The following TRANK1 variants were observed in gnomAD, a reference collection of about 807,000 sequenced individuals.
TRANK1 encodes TPR and ankyrin repeat-containing protein 1.
Under a neutral mutation model 266.0 loss-of-function variants are expected in TRANK1, and 198 were observed. The observed-to-expected ratio is 0.74, with a 90% CI of 0.66 to 0.84. TRANK1 has a LOEUF of 0.84. Among genes scored for constraint, TRANK1 ranks in the 40% least tolerant of loss-of-function variants. The pLI is 0.00. For synonymous variants in TRANK1, 1,396 were observed against 1,384.1 expected (o/e 1.01, Z -0.19); for missense variants, 3,326 against 3,634.6 (o/e 0.92, Z 2.18).
chr3:36,939,340 C>T (rs2080466674), intron 1 of TRANK1, among the ~76,000 whole-genome samples: 1 of 151,912 alleles, frequency 6.6e-6, no homozygotes, highest in Admixed American at 6.6e-5. Flanking sequence ...ACTATGTGCC[C>T]ACCATGTTTT....
chr3:36,881,536 C>T (rs1164108505), intron 8 of TRANK1, among the ~76,000 whole-genome samples: 1 of 152,102 alleles, frequency 6.6e-6, no homozygotes, highest in Admixed American at 6.5e-5. Context: ...TCGCTTGAAC[C>T]CAGGAGGCAG....
intron 8 of TRANK1, among the ~76,000 whole-genome samples, chr3:36,887,973 T>TAC (rs1459593478): frequency 6.6e-6 from 1 of 152,184 alleles, no homozygotes; most frequent in Non-Finnish European, 1.5e-5. Flanking sequence ...AACATAGTGT[T>TAC]ACCATATGAT....
At position 36,939,279 on chromosome 3, in the gene TRANK1, ACACACACACACACACACACG is replaced by A. The variant is rs1367923940; in HGVS notation, c.23+5488_23+5507del. ...CTAACATACACACACACACACACAC[ACACACACACACACACACACG>A]CCTCTACTTACCTTTCTAGTATTCT... is the stretch of plus-strand genomic sequence containing the variant. On this transcript the variant is annotated intron_variant, in intron 1 of 23. Transcript: ENST00000645898. Among the ~76,000 whole-genome samples the A allele has an allele frequency of 4.0e-5, 6 of 151,792 alleles. No homozygotes were observed. The East Asian group carries it at 1.2e-3, about 30-fold the overall frequency.
chr3:36,935,371 C>T (rs1340664665), intron 1 of TRANK1, among the ~76,000 whole-genome samples: 1 of 151,742 alleles, frequency 6.6e-6, no homozygotes, highest in Admixed American at 6.6e-5. Flanking sequence ...ATGTTTGGGG[C>T]ACTGTGCTGG....
intron 1 of TRANK1, among the ~76,000 whole-genome samples, chr3:36,915,465 G>T (rs1440147991): frequency 6.6e-6 from 1 of 152,118 alleles, no homozygotes; most frequent in Non-Finnish European, 1.5e-5. Context: ...CAGTGATAAA[G>T]AACTGTTTTT....
chr3:36,879,922 AAACAT>A (rs2079487253), intron 8 of TRANK1, among the ~76,000 whole-genome samples: 1 of 41,340 alleles, frequency 2.4e-5, no homozygotes, highest in African/African-American at 1.1e-4. Flanking sequence ...AAATATATGT[AAACAT>A]GCAAATATAT....
intron 4 of TRANK1, 131 bp downstream of exon 4, chr3:36,898,978 G>A (rs2079835271): frequency 1.0e-6 from 1 of 990,432 alleles, no homozygotes; most frequent in South Asian, 1.8e-5. Context: ...GTGTGAACTA[G>A]ATTCATTAAA....
chr3:36,879,286 C>A (rs1454071128), intron 8 of TRANK1, among the ~76,000 whole-genome samples: 1 of 151,718 alleles, frequency 6.6e-6, no homozygotes, highest in Non-Finnish European at 1.5e-5. Flanking sequence ...TTTTCCCCAA[C>A]ATTTAGAAAA....
chr3:36,864,084 T>C (rs751816746), intron 10 of TRANK1, among the ~76,000 whole-genome samples: 2 of 152,192 alleles, frequency 1.3e-5, no homozygotes, highest in Non-Finnish European at 2.9e-5. Flanking sequence ...AGAGTAATTC[T>C]AGAAGGACAC....
intron 5 of TRANK1, 87 bp from the exon 6 acceptor site, chr3:36,893,071 A>T: frequency 1.6e-6 from 1 of 613,600 alleles, no homozygotes; most frequent in Non-Finnish European, 2.3e-6. Flanking sequence ...GCTTTAAAAC[A>T]AGCAAATAAA....
Position 36,905,683 on chromosome 3 carries a change from T to A in TRANK1, c.156-2408A>T, listed in dbSNP as rs1464262466. On this transcript the variant is annotated intron_variant, in intron 2 of 23. Transcript: ENST00000645898. ...GCCTAAAACCAGTGACTGACTGATA[T>A]GAGAATCAAAAGGTTAACCTCCTTG... Among the ~76,000 whole-genome samples, 3 of 152,168 alleles carry A rather than the reference T, an allele frequency of 2.0e-5. No homozygotes were observed. The East Asian group carries it at 5.8e-4, about 29-fold the overall frequency.
rs777435327 is a variant in TRANK1 at position 36,833,027 on chromosome 3, T to C, written c.6556A>G (p.Lys2186Glu). The C allele has an allele frequency of 3.9e-5, 63 of 1,612,526 alleles. No individual in the cohort carries two copies. Among genetic ancestry groups the C allele is most frequent in the Non-Finnish European group, 5.3e-5 (62 of 1,179,276 alleles). ...LCQITRSLLG[K>E]TYRGVCMRFI... Reference sequence around the variant, plus strand: ...CTCATGCAGACTCCTCGGTAGGTCTTCCCAAGCAGGCTCCGTGTGATCTGA... The same window carrying C: ...CTCATGCAGACTCCTCGGTAGGTCTCCCCAAGCAGGCTCCGTGTGATCTGA... Residue 2186 changes from lysine (K) to glutamate (E), a missense_variant, in exon 22 of 24, where the codon AAG becomes GAG. Physicochemically the swap from Lys to Glu is moderately conservative, Grantham distance 56. Transcript: ENST00000645898.
At position 36,876,450 on chromosome 3, in the gene TRANK1, G is replaced by A. The variant is rs1342834138; in HGVS notation, c.908-2154C>T. 2.6e-5 allele frequency among the ~76,000 whole-genome samples: 4 copies of A among 152,210 alleles called. No homozygotes were observed. The East Asian group carries it at 7.7e-4, about 29-fold the overall frequency. On this transcript the variant is annotated intron_variant, in intron 8 of 23. Coordinates refer to ENST00000645898, the MANE Select transcript of TRANK1 (RefSeq NM_001329998.2). ...TTCATAGGGAGGACATGTGACCAAA[G>A]TCAGGTCACTAAGACACACTAGGAG...
intron 1 of TRANK1, among the ~76,000 whole-genome samples, chr3:36,910,547 C>A (rs1294362357): frequency 6.6e-6 from 1 of 151,800 alleles, no homozygotes; most frequent in Non-Finnish European, 1.5e-5. Flanking sequence ...CGAGTCCAGC[C>A]TGGCCAACAT....
At chr3:36,862,869 C>T (rs1483041333) in intron 10 of TRANK1, among the ~76,000 whole-genome samples, 1 of 152,152 alleles carries the variant, frequency 6.6e-6, no homozygotes, top group Admixed American at 6.5e-5. Context: ...GCCAGCTGTA[C>T]TTGAAGCCAG....
chr3:36,896,236 C>G (rs985290687), intron 4 of TRANK1, among the ~76,000 whole-genome samples: 1 of 152,078 alleles, frequency 6.6e-6, no homozygotes. Flanking sequence ...GACTGGAACC[C>G]AGATCTACCA....
Position 36,851,749 on chromosome 3 carries a change from G to A in TRANK1, c.4857C>T (p.Val1619=), listed in dbSNP as rs2078987057. 1 of 1,613,124 alleles carries A rather than the reference G, an allele frequency of 6.2e-7. No homozygotes were observed. The highest frequency in any genetic ancestry group is 1.3e-5 in the African/African-American group (1 of 74,978). ...YEAKGLEFDD[V]LLYNFFTDSE... is the part of the protein sequence containing the mutation. ...AATCAGTAAAAAAGTTGTAAAGGAG[G>A]ACATCATCAAATTCTAAGCCTTTTG... The change falls in exon 15 of 24, where the codon GTC becomes GTT. Residue 1619 remains valine, a synonymous_variant. Transcript: ENST00000645898.
Position 36,857,802 on chromosome 3 carries a change from A to G in TRANK1, c.1920T>C (p.Ser640=), listed in dbSNP as rs562427660. ...DARHRIKKND[S]LLLAWNKALM... is the part of the protein sequence containing the mutation. ...GAGCTTTGTTCCAGGCCAAGAGCAG[A>G]GAGTCGTTCTTCTTAATCCGGTGCC... is the stretch of plus-strand genomic sequence containing the variant. Residue 640 remains serine (S), a synonymous_variant, in exon 13 of 24, where the codon TCT becomes TCC. Transcript: ENST00000645898. This position sits in a 1 kb window ranked among gnomAD's most constrained non-coding sequence, Gnocchi z 4.3. 3.1e-6 allele frequency: 5 copies of G among 1,613,874 alleles called. No individual in the cohort carries two copies. In the African/African-American group the frequency reaches 6.7e-5, roughly 22 times the overall value.
In TRANK1 at chr3:36,879,769, T is replaced by A. The variant is rs1048214181; in HGVS notation, c.908-5473A>T. Among the ~76,000 whole-genome samples the A allele has an allele frequency of 4.1e-5, 4 of 96,956 alleles. 1 individual carries two copies. The highest frequency in any genetic ancestry group is 1.9e-4 in the African/African-American group (4 of 21,402). 63.6% of individuals were successfully genotyped at this position (96,956 alleles called of 152,430 possible). A position where few individuals can be genotyped will look rare whatever the true frequency, so the allele number is the denominator to read the frequency against. On this transcript the variant is annotated intron_variant, in intron 8 of 23. Coordinates refer to ENST00000645898, the MANE Select transcript of TRANK1 (RefSeq NM_001329998.2). ...ATATATAAATATATATAAATATATATAAATATATATAAATATGTAAATATA... is the reference window on the plus strand; with the variant it reads ...ATATATAAATATATATAAATATATAAAAATATATATAAATATGTAAATATA...
Sources: gnomAD v4.1 joint callset for allele counts (sites outside exome capture counted in the v4.1 genomes callset) on GRCh38, gnomAD v4.1.1 for gene constraint, Gnocchi (gnomAD v3.1) non-coding constraint, MANE v1.5 for transcripts, NCBI Gene and HGNC (gene_info 2026-07-23, HGNC 2026-07-21) for gene names.